The following CHFR variants were observed in gnomAD, a reference collection of about 807,000 sequenced individuals.
CHFR encodes the protein E3 ubiquitin-protein ligase CHFR.
In CHFR, 57 loss-of-function variants were observed where a neutral mutation model predicts 87.6. The observed-to-expected ratio is 0.65, with a 90% CI of 0.53 to 0.81. The LOEUF (loss-of-function observed/expected upper bound fraction) is 0.81. Ranked by LOEUF, CHFR falls within the 30% of genes least tolerant of loss-of-function variation. The pLI, the probability that CHFR is intolerant of heterozygous loss-of-function variation, is 0.00. For synonymous variants in CHFR, 381 were observed against 359.2 expected (o/e 1.06, Z -0.69); for missense variants, 797 against 865.8 (o/e 0.92, Z 1.00).
intron 15 of CHFR, 34 bp downstream of exon 15, chr12:132,847,009 G>C (rs1950845431): frequency 2.0e-6 from 3 of 1,511,320 alleles, no homozygotes; most frequent in Non-Finnish European, 2.8e-6. Context: ...ACACTCACAT[G>C]CGCCTTAGAG....
intron 7 of CHFR, among the ~76,000 whole-genome samples, chr12:132,861,137 G>A (rs1460001109): frequency 6.6e-6 from 1 of 152,174 alleles, no homozygotes; most frequent in Non-Finnish European, 1.5e-5. Context: ...TCCTGCCTTG[G>A]CCTCCCAGTG....
intron 15 of CHFR, among the ~76,000 whole-genome samples, chr12:132,846,606 C>T (rs1351248021): frequency 1.3e-5 from 2 of 151,884 alleles, no homozygotes; most frequent in Non-Finnish European, 2.9e-5. Flanking sequence ...GAAGGCCGGG[C>T]ATAGTGGCTC....
At chr12:132,858,409 C>A (rs966884869) in intron 8 of CHFR, among the ~76,000 whole-genome samples, 2 of 151,156 alleles carry the variant, frequency 1.3e-5, no homozygotes, top group Admixed American at 1.3e-4. Flanking sequence ...CATGGCGAAA[C>A]CGTCTCTACA....
chr12:132,839,479 A>T lies in CHFR; in HGVS notation c.*2075T>A, dbSNP rs1593434768. On this transcript the variant is annotated 3_prime_UTR_variant, in exon 18 of 18. Transcript: ENST00000450056. ...TCTCAGCCTCACCCCTGCACTAAGG[A>T]CCTCCCCTCTCAGCCTCGCCTCTGC... 1 of 111,188 alleles carries T rather than the reference A, an allele frequency of 9.0e-6. No individual in the cohort carries two copies. The highest frequency in any genetic ancestry group is 1.7e-5 in the Non-Finnish European group (1 of 57,746). The allele number at this position is 111,188 out of a possible 1,614,324, so 6.9% of individuals were successfully genotyped here.
At chr12:132,881,396 A>T (rs941574301) in intron 2 of CHFR, among the ~76,000 whole-genome samples, 1 of 152,246 alleles carries the variant, frequency 6.6e-6, no homozygotes, top group Non-Finnish European at 1.5e-5. Context: ...GAGAACTCTG[A>T]TAACTCAATA....
chr12:132,846,279 T>TTA (rs1950821248), intron 15 of CHFR, among the ~76,000 whole-genome samples: 1 of 128,644 alleles, frequency 7.8e-6, no homozygotes, highest in South Asian at 2.8e-4. Context: ...TTTTTTTTTT[T>TTA]TGAGACGGAG....
rs1429842131 is a variant in CHFR, at chr12:132,848,280, T to C, written c.1577-125A>G. On this transcript the variant is annotated intron_variant, in intron 13 of 17. Transcript: ENST00000450056. ...ATTCTAGAAAGAATAAGAAGTTCAATGATAAAACTCAATTTTAAACAGAGG... is the reference window on the plus strand; with the variant it reads ...ATTCTAGAAAGAATAAGAAGTTCAACGATAAAACTCAATTTTAAACAGAGG... 2.6e-6 allele frequency: 4 copies of C among 1,524,198 alleles called. No homozygotes were observed. In the African/African-American group the frequency reaches 5.5e-5, roughly 21 times the overall value. 94.4% of individuals were successfully genotyped at this position (1,524,198 alleles called of 1,614,324 possible).
intron 7 of CHFR, among the ~76,000 whole-genome samples, chr12:132,859,602 G>A (rs1367339816): frequency 2.0e-5 from 3 of 152,098 alleles, no homozygotes; most frequent in South Asian, 4.1e-4. Context: ...CACCCGCCTC[G>A]GCCTCCCAAA....
chr12:132,855,068 T>A (rs1433648227), intron 10 of CHFR: 1 of 151,758 alleles, frequency 6.6e-6, no homozygotes, highest in Non-Finnish European at 1.5e-5. Flanking sequence ...ATGGTGAAAC[T>A]CTGTCTTTAC....
chr12:132,842,197 G>A (rs1022428310), intron 17 of CHFR, among the ~76,000 whole-genome samples: 15 of 151,772 alleles, frequency 9.9e-5, no homozygotes, highest in Non-Finnish European at 2.1e-4. Flanking sequence ...AGGCATCCCC[G>A]TGGCATCTGC....
At chr12:132,867,858 C>CT (rs1473374292) in intron 6 of CHFR, 7 of 152,042 alleles carry the variant, frequency 4.6e-5, no homozygotes, top group African/African-American at 1.4e-4. Flanking sequence ...CTCTGTAAAA[C>CT]TGTCAATTCT....
At chr12:132,866,474 A>G (rs1207343613) in intron 6 of CHFR, 1 of 152,204 alleles carries the variant, frequency 6.6e-6, no homozygotes, top group Non-Finnish European at 1.5e-5. Flanking sequence ...ACAACACACC[A>G]GAATGTTACA....
rs1281973967 is a variant in CHFR, at chr12:132,883,426, CA to C, written c.133+3769del. On this transcript the variant is annotated intron_variant, in intron 2 of 17. Transcript: ENST00000450056. ...GAGAAATAGGAGTGAAACTCCGTCT[CA>C]AAAAAAAAAAAAAAAAGACTGGGCG... Among the ~76,000 whole-genome samples the C allele has an allele frequency of 5.2e-3, 488 of 93,030 alleles. 2 individuals are homozygous for C. Among genetic ancestry groups the C allele is most frequent in the African/African-American group, 0.014 (309 of 21,760 alleles). 61.0% of individuals were successfully genotyped at this position (93,030 alleles called of 152,430 possible).
In CHFR at chr12:132,841,445, T is replaced by C; in HGVS notation, c.*109A>G. 2 of 957,582 alleles carry C rather than the reference T, an allele frequency of 2.1e-6. No individual in the cohort carries two copies. The highest frequency in any genetic ancestry group is 3.4e-6 in the Non-Finnish European group (2 of 585,880). The allele number at this position is 957,582 out of a possible 1,614,324, so 59.3% of individuals were successfully genotyped here. Reference sequence around the variant, plus strand: ...CAGAGCACCTGTCGGAGACCCTGCGTCCCTTCCCTCAGGGGGCTGTGAAAA... The same window carrying C: ...CAGAGCACCTGTCGGAGACCCTGCGCCCCTTCCCTCAGGGGGCTGTGAAAA... On this transcript the variant is annotated 3_prime_UTR_variant, in exon 18 of 18. Transcript: ENST00000450056.
chr12:132,846,656 A>G (rs1950835947), intron 15 of CHFR, among the ~76,000 whole-genome samples: 1 of 151,994 alleles, frequency 6.6e-6, no homozygotes, highest in South Asian at 2.1e-4. Flanking sequence ...TGAGGTGGGC[A>G]GATCACCTGA....
chr12:132,859,208 G>T lies in CHFR; in HGVS notation c.771C>A (p.Asn257Lys). Residue 257 changes from asparagine (N) to lysine (K), a missense_variant, in exon 8 of 18, where the codon AAC becomes AAA. By Grantham distance (94) the Asn-to-Lys change is moderately conservative (BLOSUM62 0). Coordinates refer to ENST00000450056, the MANE Select transcript of CHFR (RefSeq NM_001161346.2). ...KMRGDGDLDL[N>K]GQLLVAQPRR... ...GCGGTTGTGCGACCAACAACTGCCC[G>T]TTCAGGTCAAGGTCCCCATCTACAG... is the stretch of plus-strand genomic sequence containing the variant. 6.2e-7 allele frequency: 1 copy of T among 1,613,314 alleles called. No homozygotes were observed.
intron 17 of CHFR, among the ~76,000 whole-genome samples, chr12:132,842,480 T>C (rs1593439319): frequency 6.6e-6 from 1 of 152,362 alleles, no homozygotes; most frequent in South Asian, 2.1e-4. Flanking sequence ...ACTGTCTCCA[T>C]CACTTTAATC....
intron 6 of CHFR, chr12:132,862,444 AG>A (rs1208401844): frequency 9.9e-5 from 45 of 452,464 alleles, no homozygotes; most frequent in Admixed American, 1.7e-4. Context: ...AATACAAAAA[AG>A]AAAAAAAAAT....
In CHFR at chr12:132,856,545, C is replaced by T; in HGVS notation, c.1152G>A (p.Arg384=). 6.2e-7 allele frequency: 1 copy of T among 1,614,232 alleles called. No individual in the cohort carries two copies. The highest frequency in any genetic ancestry group is 1.1e-5 in the South Asian group (1 of 91,088). The part of the protein sequence containing the change: ...TQDMLQPKVR[R]SFSDEEGSSE... ...AACTCCCTTCTTCATCAGAAAAAGACCGCCTGACTTTGGGCTGCAGCATGT... is the reference window on the plus strand; with the variant it reads ...AACTCCCTTCTTCATCAGAAAAAGATCGCCTGACTTTGGGCTGCAGCATGT... Residue 384 remains arginine, a synonymous_variant, in exon 10 of 18, where the codon CGG becomes CGA. Transcript: ENST00000450056.
Sources: gnomAD v4.1 joint callset for allele counts (sites outside exome capture counted in the v4.1 genomes callset) on GRCh38, gnomAD v4.1.1 for gene constraint, MANE v1.5 for transcripts, NCBI Gene and HGNC (gene_info 2026-07-23, HGNC 2026-07-21) for gene names.